Variants in SLC6A6 observed in about 807,000 individuals in gnomAD.
SLC6A6 encodes the protein sodium- and chloride-dependent taurine transporter.
SLC6A6 carries 16 observed loss-of-function variants against 68.8 expected under a neutral mutation model. The ratio of observed to expected loss-of-function variants is 0.23; its 90% CI spans 0.16 to 0.35. The LOEUF is 0.35. Among genes scored for constraint, SLC6A6 ranks in the 10% least tolerant of loss-of-function variants. The probability of loss-of-function intolerance (pLI) is 1.00; values close to 1 mark genes in which losing one functional copy is unlikely to be tolerated. For missense variants in SLC6A6, 474 were observed against 802.8 expected (o/e 0.59, Z 4.95); for synonymous variants, 312 against 315.4 (o/e 0.99, Z 0.12).
chr3:14,479,542 A>G (rs1223341264), intron 13 of SLC6A6, among the ~76,000 whole-genome samples: 1 of 152,130 alleles, frequency 6.6e-6, no homozygotes, highest in Non-Finnish European at 1.5e-5. Flanking sequence ...TCCAGAGCGC[A>G]TGAGCTCTGT....
Position 14,447,802 on chromosome 3 carries a change from C to A in SLC6A6, c.585C>A (p.Val195=). 1 of 1,614,216 alleles carries A rather than the reference C, an allele frequency of 6.2e-7. No individual in the cohort carries two copies. Among genetic ancestry groups the A allele is most frequent in the South Asian group, 1.1e-5 (1 of 91,078 alleles). ...GCTCCACCAACTTCACCTCCCCTGT[C>A]ATCGAGTTCTGGGAGTAAGGCCACC... ...TISSTNFTSP[V]IEFWERNVLS... Residue 195 remains valine (V), a synonymous_variant, in exon 5 of 15, where the codon GTC becomes GTA. Coordinates refer to ENST00000622186, the MANE Select transcript of SLC6A6 (RefSeq NM_003043.6).
Position 14,468,343 on chromosome 3 carries a change from C to CCA in SLC6A6, c.1096+132_1096+133insAC, listed in dbSNP as rs1553578785. On this transcript the variant is annotated intron_variant, in intron 9 of 14. Coordinates refer to ENST00000622186, the MANE Select transcript of SLC6A6 (RefSeq NM_003043.6). The surrounding 1 kb of genome is among the most constrained non-coding windows in gnomAD (Gnocchi z 4.5). ...CCTGGTTTCTAAAATGGACCCCCCC[C>CCA]CCGCCACCAAGATATCCCCCAAATT... The CCA allele has an allele frequency of 1.1e-5, 8 of 734,432 alleles. No individual in the cohort carries two copies. Among genetic ancestry groups the CCA allele is most frequent in the African/African-American group, 5.8e-5 (3 of 51,858 alleles). 45.5% of individuals were successfully genotyped at this position (734,432 alleles called of 1,614,324 possible).
chr3:14,460,329 G>A (rs543877465), intron 6 of SLC6A6, among the ~76,000 whole-genome samples: 2 of 151,938 alleles, frequency 1.3e-5, no homozygotes, highest in African/African-American at 2.4e-5. Flanking sequence ...AGTCAAATGG[G>A]GATGCGAGCT....
chr3:14,464,139 C>T (rs1700560517), intron 6 of SLC6A6, among the ~76,000 whole-genome samples: 1 of 152,214 alleles, frequency 6.6e-6, no homozygotes, highest in Non-Finnish European at 1.5e-5. Flanking sequence ...GGTGGGGAAA[C>T]AGTCTAGAGC....
rs146837220 is a variant in SLC6A6 at position 14,439,427 on chromosome 3, G to A, written c.-11-4197G>A. Among the ~76,000 whole-genome samples the A allele has an allele frequency of 9.2e-5, 14 of 152,338 alleles. 1 individual carries two copies. Among genetic ancestry groups the A allele is most frequent in the African/African-American group, 2.9e-4 (12 of 41,578 alleles). The stretch of plus-strand genomic sequence containing the variant: ...CTGGCACGGGGCTGCACCTGCCTGC[G>A]TGTGTGTCAAATCTGACCAGGTGAT... On this transcript the variant is annotated intron_variant, in intron 2 of 14. Transcript: ENST00000622186.
chr3:14,412,609 T>G (rs2124899993), intron 1 of SLC6A6, among the ~76,000 whole-genome samples: 1 of 152,262 alleles, frequency 6.6e-6, no homozygotes, highest in African/African-American at 2.4e-5. Flanking sequence ...TGTACTGAGC[T>G]GAGATCGTGC....
At chr3:14,428,990 C>A (rs1699662716) in intron 2 of SLC6A6, among the ~76,000 whole-genome samples, 1 of 152,138 alleles carries the variant, frequency 6.6e-6, no homozygotes, top group Non-Finnish European at 1.5e-5. Flanking sequence ...TGAACTGTGC[C>A]CCTCGCCTGC....
rs1699181133 is a variant in SLC6A6 at position 14,409,257 on chromosome 3, T to C, written c.-54+6410T>C. ...CAGCCAGCCTGCATTTGGGAGCCACTGACTTTGCGTGTCCTGTCTGATCAC... is the reference window on the plus strand; with the variant it reads ...CAGCCAGCCTGCATTTGGGAGCCACCGACTTTGCGTGTCCTGTCTGATCAC... On this transcript the variant is annotated intron_variant, in intron 1 of 14. Transcript: ENST00000622186. Among the ~76,000 whole-genome samples the C allele has an allele frequency of 2.0e-5, 3 of 152,358 alleles. No individual in the cohort carries two copies. In the South Asian group the frequency reaches 6.2e-4, roughly 32 times the overall value.
intron 1 of SLC6A6, among the ~76,000 whole-genome samples, chr3:14,412,549 C>T (rs1170146518): frequency 6.6e-6 from 1 of 152,060 alleles, no homozygotes; most frequent in Non-Finnish European, 1.5e-5. Flanking sequence ...TGTGGTGGCA[C>T]GCACCTGTAG....
intron 10 of SLC6A6, among the ~76,000 whole-genome samples, chr3:14,475,613 C>T (rs143166624): frequency 6.6e-6 from 1 of 152,272 alleles, no homozygotes; most frequent in African/African-American, 2.4e-5. Flanking sequence ...TCTCTGGAAG[C>T]GGCAGGAACT....
chr3:14,470,260 C>T (rs992380402), intron 9 of SLC6A6, among the ~76,000 whole-genome samples: 10 of 152,202 alleles, frequency 6.6e-5, no homozygotes, highest in African/African-American at 2.4e-4. Flanking sequence ...GTCATTTATT[C>T]CCCACGGTGA....
intron 2 of SLC6A6, among the ~76,000 whole-genome samples, chr3:14,424,926 A>T (rs958279421): frequency 6.6e-6 from 1 of 152,144 alleles, no homozygotes; most frequent in Non-Finnish European, 1.5e-5. Flanking sequence ...TTGACACACA[A>T]CACCGGCTGG....
intron 2 of SLC6A6, among the ~76,000 whole-genome samples, chr3:14,428,728 G>C (rs1699656284): frequency 6.6e-6 from 1 of 152,180 alleles, no homozygotes; most frequent in South Asian, 2.1e-4. Context: ...GTCCAGAGCA[G>C]GGCAAGCCTC....
chr3:14,413,531 G>A (rs748333468), intron 1 of SLC6A6, among the ~76,000 whole-genome samples: 5 of 152,228 alleles, frequency 3.3e-5, no homozygotes, highest in Admixed American at 3.3e-4. Flanking sequence ...AGCAGTATGG[G>A]CATCACGTGG....
chr3:14,439,735 G>T (rs1699938505), intron 2 of SLC6A6, among the ~76,000 whole-genome samples: 1 of 152,242 alleles, frequency 6.6e-6, no homozygotes, highest in Admixed American at 6.5e-5. Context: ...AGTACTCACT[G>T]CGCAGCGGGG....
At chr3:14,448,661 A>T (rs766247412) in intron 5 of SLC6A6, among the ~76,000 whole-genome samples, 7 of 152,152 alleles carry the variant, frequency 4.6e-5, no homozygotes, top group Non-Finnish European at 1.0e-4. Context: ...CAAGAGGTGG[A>T]GGAAATAAAT....
chr3:14,412,656 C>T (rs1407508805), intron 1 of SLC6A6, among the ~76,000 whole-genome samples: 5 of 152,202 alleles, frequency 3.3e-5, no homozygotes, highest in Admixed American at 6.5e-5. Context: ...AGTGAGACAG[C>T]AGGCCTAAGT....
chr3:14,404,759 C>T (rs534893403), intron 1 of SLC6A6, among the ~76,000 whole-genome samples: 5 of 152,226 alleles, frequency 3.3e-5, no homozygotes, highest in Non-Finnish European at 5.9e-5. Flanking sequence ...GCTGTAAAGC[C>T]GGGCTCGGCT....
chr3:14,457,059 G>A (rs372092384), intron 5 of SLC6A6, among the ~76,000 whole-genome samples: 1 of 152,206 alleles, frequency 6.6e-6, no homozygotes, highest in Non-Finnish European at 1.5e-5. Flanking sequence ...CATCGCCCTG[G>A]CCTGCTTTCA....
Sources: allele counts gnomAD v4.1 joint callset (sites outside exome capture counted in the v4.1 genomes callset), GRCh38; gene constraint gnomAD v4.1.1; non-coding constraint Gnocchi (gnomAD v3.1); transcripts MANE v1.5; gene names NCBI Gene and HGNC (gene_info 2026-07-23, HGNC 2026-07-21).